ZSCAN32: variants seen among roughly 807,000 people sequenced by gnomAD.
ZSCAN32 encodes the protein zinc finger and SCAN domain-containing protein 32.
In ZSCAN32, 52 loss-of-function variants were observed where a neutral mutation model predicts 47.4. The ratio of observed to expected loss-of-function variants is 1.10; its 90% confidence interval spans 0.88 to 1.38. The LOEUF is 1.38. ZSCAN32 is among the 40% of genes most tolerant of loss of function. The probability of loss-of-function intolerance (pLI) is 0.00; values close to 1 mark genes in which losing one functional copy is unlikely to be tolerated. For synonymous variants in ZSCAN32, 346 were observed against 305.7 expected (o/e 1.13, Z -1.38); for missense variants, 959 against 846.0 (o/e 1.13, Z -1.66).
At chr16:3,387,859 T>C (rs2032201500) in intron 5 of ZSCAN32, among the ~76,000 whole-genome samples, 1 of 152,102 alleles carries the variant, frequency 6.6e-6, no homozygotes, top group Non-Finnish European at 1.5e-5. Context: ...TATAGAAGTC[T>C]CTCCAGCAAA....
chr16:3,392,273 A>G (rs886601534), intron 3 of ZSCAN32, among the ~76,000 whole-genome samples: 3 of 152,214 alleles, frequency 2.0e-5, no homozygotes, highest in African/African-American at 7.2e-5. Context: ...GAAACTAGAC[A>G]GAGGTGATGG....
intron 5 of ZSCAN32, 61 bp from the exon 6 acceptor site, chr16:3,385,002 C>T: frequency 1.3e-6 from 2 of 1,539,412 alleles, no homozygotes. Flanking sequence ...ACTGTACATA[C>T]TGCAGTGTGC....
intron 3 of ZSCAN32, among the ~76,000 whole-genome samples, chr16:3,390,831 A>AT (rs530483579): frequency 1.9e-3 from 281 of 151,486 alleles, no homozygotes; most frequent in Non-Finnish European, 3.1e-3. Flanking sequence ...AAGAGCTTTA[A>AT]TTTTTTTTTC....
In ZSCAN32 at chr16:3,390,434, C is replaced by G; in HGVS notation, c.616G>C (p.Ala206Pro). 1 of 1,550,004 alleles carries G rather than the reference C, an allele frequency of 6.5e-7. No homozygotes were observed. Residue 206 changes from alanine to proline, a missense_variant, in exon 4 of 7, where the codon GCT (alanine) becomes CCT (proline). Physicochemically the swap from Ala to Pro is conservative, Grantham distance 27 (BLOSUM62 -1). Coordinates refer to ENST00000396852, the MANE Select transcript of ZSCAN32 (RefSeq NM_001284527.2). ...DQETGAVVWT[A>P]GSQGPAMRDN... ...CAACCACAGCTCACCTGGGACCCAG[C>G]TGTCCAGACCACAGCACCTGTCTCC...
At chr16:3,386,759 G>T (rs117976871) in intron 5 of ZSCAN32, among the ~76,000 whole-genome samples, 6,621 of 152,202 alleles carry the variant, frequency 0.044, 193 homozygotes, top group Middle Eastern at 0.061. Context: ...CATGGACACA[G>T]GTAGGGGAAC....
intron 5 of ZSCAN32, 80 bp downstream of exon 5, chr16:3,389,930 T>C (rs1328295942): frequency 7.1e-7 from 1 of 1,409,282 alleles, no homozygotes; most frequent in Admixed American, 2.4e-5. Context: ...TCCCTCTGTC[T>C]CCCTCCCTCT....
At chr16:3,385,641 A>T (rs910787276) in intron 5 of ZSCAN32, among the ~76,000 whole-genome samples, 4 of 152,226 alleles carry the variant, frequency 2.6e-5, no homozygotes, top group Non-Finnish European at 4.4e-5. Flanking sequence ...ATAATGCCGC[A>T]TATCTACAAC....
intron 3 of ZSCAN32, among the ~76,000 whole-genome samples, chr16:3,392,035 T>C (rs534757840): frequency 6.6e-6 from 1 of 152,310 alleles, no homozygotes; most frequent in South Asian, 2.1e-4. Flanking sequence ...TATAAAAATA[T>C]AGACCCTTGG....
Position 3,393,252 on chromosome 16 carries a change from TA to T in ZSCAN32, c.532+396del, listed in dbSNP as rs1452603960. Among the ~76,000 whole-genome samples the T allele has an allele frequency of 4.7e-4, 9 of 19,328 alleles. 2 individuals carry two copies. In the East Asian group the frequency reaches 0.01, roughly 23 times the overall value. The allele number at this position is 19,328 out of a possible 152,430, so 12.7% of individuals were successfully genotyped here. On this transcript the variant is annotated intron_variant, in intron 3 of 6. Coordinates refer to ENST00000396852, the MANE Select transcript of ZSCAN32 (RefSeq NM_001284527.2). ...TAAATTTATATATTTTATATATATA[TA>T]TATTTTTTGTTTTCTTTGAGACAGC...
At chr16:3,400,422 C>T (rs1025072412) in intron 1 of ZSCAN32, among the ~76,000 whole-genome samples, 3 of 152,176 alleles carry the variant, frequency 2.0e-5, no homozygotes, top group Non-Finnish European at 2.9e-5. Context: ...GCTCTTCTAA[C>T]TTCATGCAGA....
chr16:3,397,122 C>A (rs1301208485), intron 2 of ZSCAN32, 70 bp downstream of exon 2: 1 of 1,464,014 alleles, frequency 6.8e-7, no homozygotes, highest in East Asian at 2.5e-5. Context: ...CAACCAAGCA[C>A]CTCTCCAGTA....
At chr16:3,384,302 T>C in intron 6 of ZSCAN32, 157 bp downstream of exon 6, 1 of 1,021,116 alleles carries the variant, frequency 9.8e-7, no homozygotes, top group South Asian at 1.6e-5. Flanking sequence ...GCAAGGGGAA[T>C]AACCTTTAAC....
At position 3,383,146 on chromosome 16, in the gene ZSCAN32, G is replaced by A. The variant is rs141657089; in HGVS notation, c.1800C>T (p.Thr600=). 3,110 of 1,614,068 alleles carry A rather than the reference G, an allele frequency of 1.9e-3. 38 individuals are homozygous for A. The African/African-American group carries it at 0.034, about 18-fold the overall frequency. The part of the protein sequence containing the change: ...SSLIVHQRTH[T]GEKPYQCIVC... Reference sequence around the variant, plus strand: ...CAATGCACTGGTAAGGCTTTTCCCCGGTATGGGTCCTCTGGTGGACAATGA... The same window carrying A: ...CAATGCACTGGTAAGGCTTTTCCCCAGTATGGGTCCTCTGGTGGACAATGA... The change falls in exon 7 of 7, where the codon ACC becomes ACT. Residue 600 remains threonine (T), a synonymous_variant. Coordinates refer to ENST00000396852, the MANE Select transcript of ZSCAN32 (RefSeq NM_001284527.2).
chr16:3,399,113 C>G (rs1256322608), intron 1 of ZSCAN32, among the ~76,000 whole-genome samples: 1 of 152,176 alleles, frequency 6.6e-6, no homozygotes, highest in East Asian at 1.9e-4. Flanking sequence ...GTCGCAGCTA[C>G]TCGGGAGGCT....
chr16:3,382,710 C>T lies in ZSCAN32; in HGVS notation c.*142G>A. The stretch of plus-strand genomic sequence containing the variant: ...GGAGAGGTCAGCGTCCTTATGCTGA[C>T]TCCTGGTCCTAGACATGGGTCTTAA... On this transcript the variant is annotated 3_prime_UTR_variant, in exon 7 of 7. Coordinates refer to ENST00000396852, the MANE Select transcript of ZSCAN32 (RefSeq NM_001284527.2). 1 of 1,374,276 alleles carries T rather than the reference C, an allele frequency of 7.3e-7. No individual in the cohort carries two copies. Among genetic ancestry groups the T allele is most frequent in the South Asian group, 1.8e-5 (1 of 57,114 alleles). 85.1% of individuals were successfully genotyped at this position (1,374,276 alleles called of 1,614,324 possible).
intron 3 of ZSCAN32, among the ~76,000 whole-genome samples, chr16:3,391,694 A>C (rs1007818087): frequency 1.3e-5 from 2 of 148,348 alleles, no homozygotes; most frequent in Non-Finnish European, 3.0e-5. Flanking sequence ...AAAAAAAAAA[A>C]AAACAAAATA....
Position 3,390,113 on chromosome 16 carries a change from G to A in ZSCAN32, c.648C>T (p.Asn216=), listed in dbSNP as rs1282526302. The A allele has an allele frequency of 1.2e-6, 2 of 1,612,926 alleles. No homozygotes were observed. Among genetic ancestry groups the A allele is most frequent in the African/African-American group, 1.3e-5 (1 of 74,912 alleles). The change falls in exon 5 of 7, where the codon AAC becomes AAT. Residue 216 remains asparagine (N), a synonymous_variant. Transcript: ENST00000396852. ...AGSQGPAMRD[N]RAVSLCQQEW... ...CTTGCTGACAGAGGGATACAGCTCT[G>A]TTGTCACGCATGGCTGGTCCCTGTA... is the stretch of plus-strand genomic sequence containing the variant.
In ZSCAN32 at chr16:3,382,644, A is replaced by C; in HGVS notation, c.*208T>G. ...ACAGCTTTCTCTCCATCAAACTTTA[A>C]GTCACAGTAAGATAGGACTCTGGAG... On this transcript the variant is annotated 3_prime_UTR_variant, in exon 7 of 7. Transcript: ENST00000396852. The C allele has an allele frequency of 1.8e-6, 1 of 557,398 alleles. No individual in the cohort carries two copies. Among genetic ancestry groups the C allele is most frequent in the African/African-American group, 1.9e-5 (1 of 52,418 alleles). The allele number at this position is 557,398 out of a possible 1,614,324, so 34.5% of individuals were successfully genotyped here.
At chr16:3,388,572 G>A (rs1205612316) in intron 5 of ZSCAN32, among the ~76,000 whole-genome samples, 3 of 152,150 alleles carry the variant, frequency 2.0e-5, no homozygotes, top group Admixed American at 6.5e-5. Flanking sequence ...TATCCCTAAC[G>A]ACCTAGAACT....
Sources: allele counts gnomAD v4.1 joint callset (sites outside exome capture counted in the v4.1 genomes callset), GRCh38; gene constraint gnomAD v4.1.1; transcripts MANE v1.5; gene names NCBI Gene and HGNC (gene_info 2026-07-23, HGNC 2026-07-21).